HGF: variants seen among roughly 807,000 people sequenced by gnomAD.
HGF encodes the protein hepatocyte growth factor.
In HGF, 39 loss-of-function variants were observed where a neutral mutation model predicts 111.6. The ratio of observed to expected loss-of-function variants is 0.35; its 90% CI spans 0.27 to 0.46. The LOEUF (loss-of-function observed/expected upper bound fraction) is 0.46. HGF is among the 20% of genes least tolerant of loss of function. The probability of loss-of-function intolerance (pLI) is 1.00; values close to 1 mark genes in which losing one functional copy is unlikely to be tolerated. For synonymous variants in HGF, 285 were observed against 294.8 expected, an observed-to-expected ratio of 0.97 and a Z score of 0.34; for missense variants, 735 against 910.5, an observed-to-expected ratio of 0.81 and a Z score of 2.48.
At chr7:81,754,310 G>T (rs541372473) in intron 4 of HGF, among the ~76,000 whole-genome samples, 3 of 151,942 alleles carry the variant, frequency 2.0e-5, no homozygotes, top group South Asian at 4.2e-4. Flanking sequence ...TATAGCAAAT[G>T]TTCAATACAC....
At chr7:81,710,762 C>T (rs1028735815) in intron 12 of HGF, among the ~76,000 whole-genome samples, 7 of 151,850 alleles carry the variant, frequency 4.6e-5, no homozygotes, top group African/African-American at 1.7e-4. Flanking sequence ...TTATTATTTT[C>T]AAATCATTAT....
In HGF at chr7:81,701,186, C is replaced by T. The variant is rs1317196278; in HGVS notation, c.*1395G>A. On this transcript the variant is annotated 3_prime_UTR_variant, in exon 18 of 18. Coordinates refer to ENST00000222390, the MANE Select transcript of HGF (RefSeq NM_000601.6). Reference sequence around the variant, plus strand: ...GAACACAAAATTTAAATGTCTGTTACATATGGCATTAGGAGTGAACTTTGT... The same window carrying T: ...GAACACAAAATTTAAATGTCTGTTATATATGGCATTAGGAGTGAACTTTGT... 6.6e-6 allele frequency: 1 copy of T among 151,072 alleles called. No individual in the cohort carries two copies. Among genetic ancestry groups the T allele is most frequent in the Non-Finnish European group, 1.5e-5 (1 of 67,510 alleles). 9.4% of individuals were successfully genotyped at this position (151,072 alleles called of 1,614,324 possible).
At chr7:81,756,979 T>C in intron 4 of HGF, 1 of 592,824 alleles carries the variant, frequency 1.7e-6, no homozygotes, top group Non-Finnish European at 3.0e-6. Context: ...GGCATTAAGG[T>C]AAGATATTGT....
chr7:81,735,821 G>T (rs1787807663), intron 7 of HGF, among the ~76,000 whole-genome samples: 1 of 152,052 alleles, frequency 6.6e-6, no homozygotes. Context: ...TGGGTCCTTG[G>T]TGAGGGCTCT....
At chr7:81,709,299 A>T (rs1158539299) in intron 13 of HGF, among the ~76,000 whole-genome samples, 2 of 152,188 alleles carry the variant, frequency 1.3e-5, no homozygotes, top group Admixed American at 6.6e-5. Flanking sequence ...AACGTGAGGT[A>T]TCTAGAAAAC....
intron 6 of HGF, among the ~76,000 whole-genome samples, chr7:81,743,801 T>G (rs1307347375): frequency 6.6e-6 from 1 of 152,156 alleles, no homozygotes; most frequent in Non-Finnish European, 1.5e-5. Flanking sequence ...GAATGCTCAT[T>G]AAGAAAACAG....
At chr7:81,732,069 T>C (rs906681498) in intron 7 of HGF, among the ~76,000 whole-genome samples, 2 of 152,224 alleles carry the variant, frequency 1.3e-5, no homozygotes, top group African/African-American at 4.8e-5. Flanking sequence ...GAGCCATTCT[T>C]CTCAAGCACT....
At chr7:81,738,860 T>A (rs1318489892) in intron 7 of HGF, among the ~76,000 whole-genome samples, 1 of 152,116 alleles carries the variant, frequency 6.6e-6, no homozygotes, top group African/African-American at 2.4e-5. Context: ...ATATAATAGC[T>A]GCTCAGAAAA....
intron 7 of HGF, among the ~76,000 whole-genome samples, chr7:81,739,568 AAC>A (rs1465793815): frequency 4.4e-5 from 2 of 45,676 alleles, no homozygotes; most frequent in African/African-American, 5.0e-4. Context: ...AGGGTTTTTA[AAC>A]CCCAGGGCAA....
rs149138269 is a variant in HGF, at chr7:81,767,652, G to A, written c.88+2232C>T. On this transcript the variant is annotated intron_variant, in intron 1 of 17. Transcript: ENST00000222390. Reference sequence around the variant, plus strand: ...AGGCTAACTCCTACAAAGATGGCGGGGGCCCATTATATTGAATATTTCTTA... The same window carrying A: ...AGGCTAACTCCTACAAAGATGGCGGAGGCCCATTATATTGAATATTTCTTA... Among the ~76,000 whole-genome samples, 140 of 152,146 alleles carry A rather than the reference G, an allele frequency of 9.2e-4. 1 individual carries two copies. Among genetic ancestry groups the A allele is most frequent in the African/African-American group, 3.1e-3 (128 of 41,524 alleles).
intron 17 of HGF, 107 bp from the exon 18 acceptor site, chr7:81,702,864 A>G (rs1314979197): frequency 4.5e-6 from 4 of 882,616 alleles, no homozygotes; most frequent in Non-Finnish European, 7.3e-6. Flanking sequence ...AGAAAAAGAG[A>G]ATAACTGCAA....
intron 1 of HGF, among the ~76,000 whole-genome samples, chr7:81,763,276 G>A (rs1789192038): frequency 6.6e-6 from 1 of 152,104 alleles, no homozygotes; most frequent in South Asian, 2.1e-4. Context: ...ATACGTTATA[G>A]TATTTAATGA....
At position 81,701,393 on chromosome 7, in the gene HGF, T is replaced by C. The variant is rs1405405053; in HGVS notation, c.*1188A>G. The C allele has an allele frequency of 6.6e-6, 1 of 151,522 alleles. No homozygotes were observed. The highest frequency in any genetic ancestry group is 2.4e-5 in the African/African-American group (1 of 41,386). The allele number at this position is 151,522 out of a possible 1,614,324, so 9.4% of individuals were successfully genotyped here. A position where few individuals can be genotyped will look rare whatever the true frequency, so the allele number is the denominator to read the frequency against. On this transcript the variant is annotated 3_prime_UTR_variant, in exon 18 of 18. Transcript: ENST00000222390. ...CTAAAATCTTCCAGGTTGAGAAAAG[T>C]ATTTTTATTTTTTTCTCCAATATAT...
At chr7:81,728,472 C>A (rs1790077291) in intron 8 of HGF, among the ~76,000 whole-genome samples, 1 of 152,102 alleles carries the variant, frequency 6.6e-6, no homozygotes, top group Non-Finnish European at 1.5e-5. Context: ...TCCTTTGTCC[C>A]TTATAACTAA....
At chr7:81,753,843 A>G (rs563539999) in intron 4 of HGF, among the ~76,000 whole-genome samples, 1 of 152,134 alleles carries the variant, frequency 6.6e-6, no homozygotes, top group South Asian at 2.1e-4. Context: ...GACAAAAATT[A>G]TAATGCAACT....
chr7:81,758,640 C>A, intron 3 of HGF, 52 bp downstream of exon 3: 1 of 1,093,210 alleles, frequency 9.1e-7, no homozygotes. Context: ...TACAAACATA[C>A]ATTTCATTAT....
chr7:81,705,001 C>T (rs1789384836), intron 17 of HGF, among the ~76,000 whole-genome samples: 1 of 151,780 alleles, frequency 6.6e-6, no homozygotes, highest in South Asian at 2.1e-4. Context: ...AGCCAGGCAT[C>T]TCTGAATGAT....
At chr7:81,767,681 T>C (rs1789433174) in intron 1 of HGF, among the ~76,000 whole-genome samples, 1 of 152,190 alleles carries the variant, frequency 6.6e-6, no homozygotes, top group Admixed American at 6.5e-5. Flanking sequence ...TTTCTTAAGC[T>C]TTTAAAAAAG....
chr7:81,733,068 C>T (rs757830), intron 7 of HGF, among the ~76,000 whole-genome samples: 125,091 of 152,006 alleles, frequency 0.82, 51,945 homozygotes, highest in African/African-American at 0.93. Flanking sequence ...AGCTATTATG[C>T]TGAATAGGTT....
Sources: allele counts gnomAD v4.1 joint callset (sites outside exome capture counted in the v4.1 genomes callset), GRCh38; gene constraint gnomAD v4.1.1; transcripts MANE v1.5; gene names NCBI Gene and HGNC (gene_info 2026-07-23, HGNC 2026-07-21).